Variants in SOX5 observed in about 807,000 individuals in gnomAD.
The protein encoded by SOX5 is transcription factor SOX-5.
SOX5 carries 9 observed loss-of-function variants against 92.0 expected under a neutral mutation model. That is an observed-to-expected ratio of 0.10 (90% CI 0.06 to 0.17). The LOEUF (loss-of-function observed/expected upper bound fraction) is 0.17, where lower values mean the gene tolerates loss of function less well. Among genes scored for constraint, SOX5 ranks in the 10% least tolerant of loss-of-function variants. The pLI is 1.00. For synonymous variants in SOX5, 344 were observed against 336.3 expected (o/e 1.02, Z -0.25); for missense variants, 642 against 944.5 (o/e 0.68, Z 4.20).
chr12:24,446,546 A>G (rs888288841), intron 1 of SOX5, among the ~76,000 whole-genome samples: 1 of 152,244 alleles, frequency 6.6e-6, no homozygotes, highest in Admixed American at 6.5e-5. Context: ...GAACTGGGCC[A>G]TAGAAGCTTC....
At chr12:23,839,990 CAAAA>C (rs142394109) in intron 3 of SOX5, among the ~76,000 whole-genome samples, 113 of 121,820 alleles carry the variant, frequency 9.3e-4, no homozygotes, top group Middle Eastern at 4.3e-3. Flanking sequence ...CTCAAGAAGA[CAAAA>C]AAAAAAAAAA....
intron 1 of SOX5, among the ~76,000 whole-genome samples, chr12:24,528,517 A>G (rs1161261600): frequency 6.6e-6 from 1 of 152,242 alleles, no homozygotes; most frequent in East Asian, 1.9e-4. Context: ...AAAAGAAAAC[A>G]GAAGGAAAAT....
intron 4 of SOX5, among the ~76,000 whole-genome samples, chr12:24,171,319 G>C (rs1954127585): frequency 6.8e-6 from 1 of 147,650 alleles, no homozygotes; most frequent in African/African-American, 2.5e-5. Flanking sequence ...CGCCTCCCAG[G>C]CTCAAGCAAT....
chr12:23,575,401 T>C (rs995834291), intron 10 of SOX5, among the ~76,000 whole-genome samples: 13 of 152,240 alleles, frequency 8.5e-5, no homozygotes, highest in Non-Finnish European at 1.5e-4. Context: ...AGTCACTTAG[T>C]CCTCTTTTTA....
intron 3 of SOX5, among the ~76,000 whole-genome samples, chr12:24,218,131 C>T (rs1959482030): frequency 6.6e-6 from 1 of 152,088 alleles, no homozygotes; most frequent in Non-Finnish European, 1.5e-5. Flanking sequence ...TAAGTGTATA[C>T]CCAAGAGAAA....
chr12:24,220,875 C>T (rs975502397), intron 3 of SOX5, among the ~76,000 whole-genome samples: 1 of 152,204 alleles, frequency 6.6e-6, no homozygotes, highest in Non-Finnish European at 1.5e-5. Flanking sequence ...ACATTTTACT[C>T]CACTTCCTAT....
At chr12:24,376,869 A>AT in intron 1 of SOX5, among the ~76,000 whole-genome samples, 1 of 109,380 alleles carries the variant, frequency 9.1e-6, no homozygotes, top group South Asian at 2.8e-4. Flanking sequence ...TGCCCAGCTA[A>AT]TTTTTTGAAT....
At chr12:23,958,524 A>C (rs192704053) in intron 4 of SOX5, among the ~76,000 whole-genome samples, 1 of 152,162 alleles carries the variant, frequency 6.6e-6, no homozygotes, top group Admixed American at 6.5e-5. Flanking sequence ...CTAAATAAAA[A>C]TACAAGGACA....
At chr12:24,295,105 T>C (rs1242941301) in intron 2 of SOX5, among the ~76,000 whole-genome samples, 1 of 152,090 alleles carries the variant, frequency 6.6e-6, no homozygotes, top group African/African-American at 2.4e-5. Flanking sequence ...TATATGAACT[T>C]ACAAATAAAT....
At chr12:23,794,598 G>A (rs760977284) in intron 3 of SOX5, among the ~76,000 whole-genome samples, 1 of 152,024 alleles carries the variant, frequency 6.6e-6, no homozygotes, top group Non-Finnish European at 1.5e-5. Flanking sequence ...TTTAATCAAC[G>A]TAGCAAAAAC....
chr12:24,234,093 G>A (rs1963965114), intron 3 of SOX5, among the ~76,000 whole-genome samples: 1 of 152,132 alleles, frequency 6.6e-6, no homozygotes. Context: ...GGCAGTTTCT[G>A]CCTACTGTTC....
intron 4 of SOX5, among the ~76,000 whole-genome samples, chr12:24,123,478 G>A (rs1029522666): frequency 3.9e-5 from 6 of 152,022 alleles, no homozygotes; most frequent in African/African-American, 1.4e-4. Context: ...ACTTCCTCTT[G>A]TGCCTTCCCC....
At chr12:24,351,795 G>A (rs1287387839) in intron 2 of SOX5, among the ~76,000 whole-genome samples, 2 of 152,152 alleles carry the variant, frequency 1.3e-5, no homozygotes, top group Admixed American at 1.3e-4. Flanking sequence ...AAAATAACAT[G>A]TACATATTGG....
At chr12:24,386,591 G>A (rs1341725993) in intron 1 of SOX5, among the ~76,000 whole-genome samples, 1 of 152,156 alleles carries the variant, frequency 6.6e-6, no homozygotes, top group Non-Finnish European at 1.5e-5. Context: ...GGCAAGAATT[G>A]AGAAATCTGT....
intron 2 of SOX5, among the ~76,000 whole-genome samples, chr12:24,296,310 G>C (rs1947240328): frequency 6.6e-6 from 1 of 152,206 alleles, no homozygotes; most frequent in Admixed American, 6.5e-5. Flanking sequence ...AAAGGTAACT[G>C]TTTCCACATT....
intron 1 of SOX5, among the ~76,000 whole-genome samples, chr12:24,419,682 C>T (rs527674700): frequency 6.6e-6 from 1 of 152,142 alleles, no homozygotes; most frequent in Admixed American, 6.6e-5. Flanking sequence ...GTGCTTACTC[C>T]CTTATTTCTA....
At chr12:24,143,827 A>AAAGAGGAGGAGG (rs1363654359) in intron 4 of SOX5, among the ~76,000 whole-genome samples, 1 of 151,686 alleles carries the variant, frequency 6.6e-6, no homozygotes, top group Non-Finnish European at 1.5e-5. Context: ...AAGAAGAAAG[A>AAAGAGGAGGAGG]AAGAGGAGGA....
At chr12:23,970,102 A>G (rs1213062801) in intron 4 of SOX5, among the ~76,000 whole-genome samples, 1 of 152,174 alleles carries the variant, frequency 6.6e-6, no homozygotes, top group Non-Finnish European at 1.5e-5. Context: ...ACAGTTTATC[A>G]CAATAATATT....
chr12:23,779,487 C>A (rs570061777), intron 3 of SOX5, among the ~76,000 whole-genome samples: 185 of 151,054 alleles, frequency 1.2e-3, no homozygotes, highest in Admixed American at 2.7e-3. Context: ...CAAAAATAAC[C>A]AATCATGGTT....
Sources: allele counts gnomAD v4.1 joint callset (sites outside exome capture counted in the v4.1 genomes callset), GRCh38; gene constraint gnomAD v4.1.1; transcripts MANE v1.5; gene names NCBI Gene and HGNC (gene_info 2026-07-23, HGNC 2026-07-21).